PITX3: variants seen among roughly 807,000 people sequenced by gnomAD.
PITX3 encodes pituitary homeobox 3.
PITX3 carries 4 observed loss-of-function variants against 14.2 expected under a neutral mutation model. That is an observed-to-expected ratio of 0.28 (90% confidence interval 0.14 to 0.65). The LOEUF (loss-of-function observed/expected upper bound fraction) is 0.65. PITX3 is among the 30% of genes least tolerant of loss of function. The probability of loss-of-function intolerance (pLI) is 0.82; values close to 1 mark genes in which losing one functional copy is unlikely to be tolerated. For missense variants in PITX3, 358 were observed against 426.8 expected, an observed-to-expected ratio of 0.84 and a Z score of 1.42; for synonymous variants, 194 against 204.5, an observed-to-expected ratio of 0.95 and a Z score of 0.44.
chr10:102,238,234 T>C (rs777732547), intron 1 of PITX3, among the ~76,000 whole-genome samples: 1 of 152,184 alleles, frequency 6.6e-6, no homozygotes, highest in Non-Finnish European at 1.5e-5. Flanking sequence ...GCTCAGGACC[T>C]AATGGATCCT....
intron 1 of PITX3, among the ~76,000 whole-genome samples, chr10:102,233,426 C>T (rs377254420): frequency 2.6e-5 from 4 of 151,140 alleles, no homozygotes; most frequent in African/African-American, 9.7e-5. Context: ...GCCTCAGCCT[C>T]CCATGTAGCT....
intron 1 of PITX3, among the ~76,000 whole-genome samples, chr10:102,238,262 G>A (rs2070452838): frequency 6.6e-6 from 1 of 152,182 alleles, no homozygotes; most frequent in Non-Finnish European, 1.5e-5. Context: ...AGTCTAGGAG[G>A]CATCATTTAG....
At position 102,230,936 on chromosome 10, in the gene PITX3, G is replaced by T. The variant is rs371735170; in HGVS notation, c.487C>A (p.Pro163Thr). Residue 163 changes from proline to threonine, a missense_variant, in exon 4 of 4, where the codon CCG becomes ACG. By Grantham distance (38) the Pro-to-Thr change is conservative (BLOSUM62 -1). Coordinates refer to ENST00000370002, the MANE Select transcript of PITX3 (RefSeq NM_005029.4). ...YGNWPPKALA[P>T]PLAAKTFPFA... The stretch of plus-strand genomic sequence containing the variant: ...GGAAAGGTCTTGGCGGCGAGCGGCG[G>T]GGCAAGAGCCTTGGGCGGCCAGTTG... 59 of 1,609,458 alleles carry T rather than the reference G, an allele frequency of 3.7e-5. No homozygotes were observed. Among genetic ancestry groups the T allele is most frequent in the Non-Finnish European group, 4.5e-5 (53 of 1,178,496 alleles).
chr10:102,230,678 C>T lies in PITX3; in HGVS notation c.745G>A (p.Ala249Thr), dbSNP rs1192412176. 2 of 1,582,678 alleles carry T rather than the reference C, an allele frequency of 1.3e-6. No homozygotes were observed. Among genetic ancestry groups the T allele is most frequent in the Middle Eastern group, 1.7e-4 (1 of 5,928 alleles). ...YASAAAAAAA[A>T]ASSPYVYRDP... Reference sequence around the variant, plus strand: ...CGATAGACGTAGGGGGAAGAGGCGGCAGCCGCGGCGGCGGCGGCGGCCGAG... The same window carrying T: ...CGATAGACGTAGGGGGAAGAGGCGGTAGCCGCGGCGGCGGCGGCGGCCGAG... The change falls in exon 4 of 4, where the codon GCC becomes ACC. Residue 249 changes from alanine to threonine, a missense_variant. Ala to Thr is a moderately conservative substitution (Grantham distance 58). Around this residue, in one of 3 missense-constraint regions of PITX3, gnomAD observed 236 missense variants for 250.2 expected, o/e 0.94. Transcript: ENST00000370002.
At position 102,230,462 on chromosome 10, in the gene PITX3, A is replaced by G; in HGVS notation, c.*52T>C. 1 of 1,568,702 alleles carries G rather than the reference A, an allele frequency of 6.4e-7. No individual in the cohort carries two copies. Among genetic ancestry groups the G allele is most frequent in the Non-Finnish European group, 8.6e-7 (1 of 1,156,562 alleles). ...CAGTCAAAATGACCCCAGTCCGCGG[A>G]GGCTGTGAATCGTTGCCCCCGCCCT... On this transcript the variant is annotated 3_prime_UTR_variant, in exon 4 of 4. Coordinates refer to ENST00000370002, the MANE Select transcript of PITX3 (RefSeq NM_005029.4).
rs145818051 is a variant in PITX3, at chr10:102,235,614, C to A, written c.-12-3522G>T. 2.8e-3 allele frequency among the ~76,000 whole-genome samples: 423 copies of A among 152,202 alleles called. 5 individuals carry two copies. Among genetic ancestry groups the A allele is most frequent in the Non-Finnish European group, 2.9e-3 (197 of 68,014 alleles). On this transcript the variant is annotated intron_variant, in intron 1 of 3. Transcript: ENST00000370002. ...AAATATGAGTAGGGATAAAACTCTACCTGAGTAGTTTTTTTTCCTCACTCA... is the reference window on the plus strand; with the variant it reads ...AAATATGAGTAGGGATAAAACTCTAACTGAGTAGTTTTTTTTCCTCACTCA...
chr10:102,230,488 C>A lies in PITX3; in HGVS notation c.*26G>T. The A allele has an allele frequency of 6.3e-7, 1 of 1,593,006 alleles. No homozygotes were observed. The highest frequency in any genetic ancestry group is 2.1e-4 in the Middle Eastern group (1 of 4,664). ...GGCTGTGAATCGTTGCCCCCGCCCT[C>A]GGGGATGATCTACGGGCGGGGCCGC... On this transcript the variant is annotated 3_prime_UTR_variant, in exon 4 of 4. Transcript: ENST00000370002.
intron 1 of PITX3, among the ~76,000 whole-genome samples, chr10:102,237,633 A>G (rs529344954): frequency 7.9e-4 from 120 of 152,368 alleles, no homozygotes; most frequent in Non-Finnish European, 1.3e-3. Flanking sequence ...ACTAGAAAAC[A>G]GAAGCATGAC....
chr10:102,237,888 C>CT (rs2070441310), intron 1 of PITX3, among the ~76,000 whole-genome samples: 3 of 151,158 alleles, frequency 2.0e-5, no homozygotes, highest in South Asian at 2.1e-4. Flanking sequence ...TCCTCCCCCG[C>CT]CCACCCCACT....
At chr10:102,235,179 A>T (rs61057264) in intron 1 of PITX3, among the ~76,000 whole-genome samples, 1 of 97,374 alleles carries the variant, frequency 1.0e-5, no homozygotes, top group Non-Finnish European at 2.0e-5. Flanking sequence ...CCCACCCCCC[A>T]CCCCCCCACC....
At chr10:102,236,935 T>C (rs986236550) in intron 1 of PITX3, among the ~76,000 whole-genome samples, 2 of 152,246 alleles carry the variant, frequency 1.3e-5, no homozygotes, top group African/African-American at 4.8e-5. Context: ...TTAGGGACGC[T>C]GAGCACCCAG....
chr10:102,237,887 G>A (rs1541048), intron 1 of PITX3, among the ~76,000 whole-genome samples: 12 of 149,870 alleles, frequency 8.0e-5, no homozygotes, highest in Admixed American at 6.6e-4. Context: ...CTCCTCCCCC[G>A]CCCACCCCAC....
chr10:102,230,436 C>A lies in PITX3; in HGVS notation c.*78G>T. The A allele has an allele frequency of 6.5e-7, 1 of 1,531,018 alleles. No homozygotes were observed. Among genetic ancestry groups the A allele is most frequent in the Non-Finnish European group, 8.8e-7 (1 of 1,134,288 alleles). The allele number at this position is 1,531,018 out of a possible 1,614,324, so 94.8% of individuals were successfully genotyped here. A position where few individuals can be genotyped will look rare whatever the true frequency, so the allele number is the denominator to read the frequency against. On this transcript the variant is annotated 3_prime_UTR_variant, in exon 4 of 4. Transcript: ENST00000370002. ...TTTCAGACCCTGGGGCGGGAGCAAG[C>A]CAGTCAAAATGACCCCAGTCCGCGG...
intron 1 of PITX3, 69 bp from the exon 2 acceptor site, chr10:102,232,161 G>GC (rs1328189675): frequency 1.2e-6 from 1 of 854,286 alleles, no homozygotes; most frequent in African/African-American, 1.7e-5. Flanking sequence ...GGTCCCAGCA[G>GC]CGTTTCCTCG....
At chr10:102,234,755 T>C (rs964243667) in intron 1 of PITX3, among the ~76,000 whole-genome samples, 50 of 152,190 alleles carry the variant, frequency 3.3e-4, no homozygotes, top group Non-Finnish European at 6.6e-4. Flanking sequence ...GGGGTTTACC[T>C]GTGGGAAAAG....
Position 102,230,952 on chromosome 10 carries a change from C to A in PITX3, c.471G>T (p.Pro157=). The A allele has an allele frequency of 6.2e-7, 1 of 1,607,954 alleles. No homozygotes were observed. Among genetic ancestry groups the A allele is most frequent in the East Asian group, 2.2e-5 (1 of 44,582 alleles). ...CGAGCGGCGGGGCAAGAGCCTTGGG[C>A]GGCCAGTTGCCGTACGAGTAGCCGG... ...VYPGYSYGNW[P]PKALAPPLAA... The change falls in exon 4 of 4, where the codon CCG becomes CCT. Residue 157 remains proline (P), a synonymous_variant. Transcript: ENST00000370002.
At chr10:102,231,545 G>A (rs1187817569) in intron 3 of PITX3, 43 bp downstream of exon 3, 3 of 1,350,554 alleles carry the variant, frequency 2.2e-6, no homozygotes, top group Non-Finnish European at 3.1e-6. Flanking sequence ...GGCTGAGCGC[G>A]GAGGGCCCGC....
intron 1 of PITX3, among the ~76,000 whole-genome samples, chr10:102,239,310 C>T (rs2070474988): frequency 6.6e-6 from 1 of 152,242 alleles, no homozygotes; most frequent in Non-Finnish European, 1.5e-5. Flanking sequence ...GATACCACCT[C>T]TTTGGCCTTT....
chr10:102,234,364 G>A (rs1180846895), intron 1 of PITX3, among the ~76,000 whole-genome samples: 2 of 152,178 alleles, frequency 1.3e-5, no homozygotes, highest in Non-Finnish European at 2.9e-5. Context: ...GAGGGGTCTA[G>A]ATCTTGGACC....
Sources: gnomAD v4.1 joint callset for allele counts (sites outside exome capture counted in the v4.1 genomes callset) on GRCh38, gnomAD v4.1.1 for gene constraint, gnomAD v4.1.1 regional missense constraint, MANE v1.5 for transcripts, NCBI Gene and HGNC (gene_info 2026-07-23, HGNC 2026-07-21) for gene names.